The following KIF1B variants were observed in gnomAD, a reference collection of about 807,000 sequenced individuals.
KIF1B encodes the protein kinesin family member 1B.
KIF1B carries 76 observed loss-of-function variants against 241.9 expected under a neutral mutation model. The ratio of observed to expected loss-of-function variants is 0.31; its 90% CI spans 0.26 to 0.38. The LOEUF (loss-of-function observed/expected upper bound fraction) is 0.38, where lower values mean the gene tolerates loss of function less well. KIF1B is among the 10% of genes least tolerant of loss of function. KIF1B has a pLI of 1.00. For missense variants in KIF1B, 1,622 were observed against 2,271.4 expected (o/e 0.71, Z 5.81); for synonymous variants, 750 against 796.7 (o/e 0.94, Z 0.99).
At chr1:10,250,341 C>CTT (rs36075139) in intron 2 of KIF1B, among the ~76,000 whole-genome samples, 118 of 143,058 alleles carry the variant, frequency 8.2e-4, no homozygotes, top group African/African-American at 1.2e-3. Flanking sequence ...TATTTCTTAA[C>CTT]TTTTTTTTTT....
At chr1:10,298,008 A>G (rs1557696890) in intron 22 of KIF1B, among the ~76,000 whole-genome samples, 1 of 152,252 alleles carries the variant, frequency 6.6e-6, no homozygotes, top group Non-Finnish European at 1.5e-5. Context: ...ACTGAATCTC[A>G]TGAATAAATA....
intron 22 of KIF1B, among the ~76,000 whole-genome samples, chr1:10,302,528 C>G (rs1650593518): frequency 6.6e-6 from 1 of 152,176 alleles, no homozygotes; most frequent in Non-Finnish European, 1.5e-5. Flanking sequence ...TTGACTGCTT[C>G]TTTTTCTACA....
intron 4 of KIF1B, among the ~76,000 whole-genome samples, chr1:10,258,907 C>T (rs1289144502): frequency 1.3e-5 from 2 of 152,138 alleles, no homozygotes; most frequent in Admixed American, 1.3e-4. Flanking sequence ...ATGATTTTGC[C>T]ATATATCCAA....
chr1:10,226,348 A>G (rs191471899), intron 1 of KIF1B, among the ~76,000 whole-genome samples: 93 of 152,296 alleles, frequency 6.1e-4, no homozygotes, highest in Admixed American at 3.5e-3. Flanking sequence ...CGAGTAGTCT[A>G]TAGAAAAATG....
intron 4 of KIF1B, among the ~76,000 whole-genome samples, chr1:10,259,643 T>A (rs1248534822): frequency 6.6e-6 from 1 of 151,694 alleles, no homozygotes; most frequent in Non-Finnish European, 1.5e-5. Flanking sequence ...GCTGGGACAA[T>A]AGGCACCCAC....
intron 2 of KIF1B, among the ~76,000 whole-genome samples, chr1:10,237,591 C>CT (rs1362891024): frequency 6.6e-6 from 1 of 152,006 alleles, no homozygotes; most frequent in Non-Finnish European, 1.5e-5. Flanking sequence ...GTAGCCCTGA[C>CT]TTTTTTTTCC....
intron 1 of KIF1B, among the ~76,000 whole-genome samples, chr1:10,213,103 C>A (rs1043772779): frequency 6.6e-6 from 1 of 151,692 alleles, no homozygotes; most frequent in Non-Finnish European, 1.5e-5. Flanking sequence ...TACAGAATGT[C>A]TGTTTTGAAA....
At chr1:10,212,550 T>C (rs1646706420) in intron 1 of KIF1B, among the ~76,000 whole-genome samples, 2 of 152,144 alleles carry the variant, frequency 1.3e-5, no homozygotes, top group South Asian at 4.1e-4. Context: ...TTCAATTTGT[T>C]CATAAATACA....
chr1:10,233,635 G>T (rs1392844204), intron 2 of KIF1B, among the ~76,000 whole-genome samples: 2 of 151,680 alleles, frequency 1.3e-5, no homozygotes, highest in African/African-American at 4.8e-5. Context: ...AAGAAAAAGA[G>T]ATGCAAAAGT....
At chr1:10,259,629 A>G (rs888262754) in intron 4 of KIF1B, among the ~76,000 whole-genome samples, 21 of 151,722 alleles carry the variant, frequency 1.4e-4, no homozygotes, top group African/African-American at 5.1e-4. Context: ...CAGCCTCCCA[A>G]GTAGCTGGGA....
chr1:10,354,587 A>G (rs17034821), intron 38 of KIF1B, among the ~76,000 whole-genome samples: 49,901 of 152,106 alleles, frequency 0.33, 8,328 homozygotes, highest in Middle Eastern at 0.38. Flanking sequence ...TAGTTTTCAC[A>G]GGAACAAAAA....
Position 10,210,578 on chromosome 1 carries a change from G to C in KIF1B, c.-380G>C, listed in dbSNP as rs561676701. Among the ~76,000 whole-genome samples the C allele has an allele frequency of 3.9e-5, 6 of 152,160 alleles. No individual in the cohort carries two copies. The highest frequency in any genetic ancestry group is 7.4e-5 in the Non-Finnish European group (5 of 67,968). On this transcript the variant is annotated 5_prime_UTR_variant, in exon 1 of 49. Coordinates refer to ENST00000676179, the MANE Select transcript of KIF1B (RefSeq NM_001365951.3). This position sits in a 1 kb window ranked among gnomAD's most constrained non-coding sequence, Gnocchi z 4.1. ...GAGGGCCGAAGCGGGGCAGTGTGAC[G>C]GCAGCGGTCCTGGGAGGCGCCCGCG...
chr1:10,276,456 T>A, intron 12 of KIF1B, 57 bp downstream of exon 12: 1 of 1,154,668 alleles, frequency 8.7e-7, no homozygotes, highest in Non-Finnish European at 1.3e-6. Context: ...GAAGCCATTT[T>A]GTGATACCAT....
intron 2 of KIF1B, among the ~76,000 whole-genome samples, chr1:10,235,021 C>G (rs141377462): frequency 0.017 from 2,615 of 151,948 alleles, 86 homozygotes; most frequent in African/African-American, 0.06. Flanking sequence ...TCCTGAGTAG[C>G]TGGAACTACA....
chr1:10,221,028 C>A (rs1646838287), intron 1 of KIF1B, among the ~76,000 whole-genome samples: 1 of 149,520 alleles, frequency 6.7e-6, no homozygotes, highest in Non-Finnish European at 1.5e-5. Flanking sequence ...GATTAAAAAT[C>A]TGATATGTCA....
chr1:10,338,318 A>G (rs1652259106), intron 31 of KIF1B, among the ~76,000 whole-genome samples: 1 of 152,130 alleles, frequency 6.6e-6, no homozygotes, highest in East Asian at 1.9e-4. Context: ...CAGTTTATAA[A>G]GCTTTTGTAT....
intron 15 of KIF1B, among the ~76,000 whole-genome samples, chr1:10,283,336 T>C (rs1451607794): frequency 6.6e-6 from 1 of 152,130 alleles, no homozygotes; most frequent in Non-Finnish European, 1.5e-5. Flanking sequence ...ATGATTACTG[T>C]ACAGGAAGGT....
rs1489606993 is a variant in KIF1B, at chr1:10,348,705, T to C, written c.3921T>C (p.His1307=). 4 of 1,613,930 alleles carry C rather than the reference T, an allele frequency of 2.5e-6. No homozygotes were observed. Among genetic ancestry groups the C allele is most frequent in the African/African-American group, 1.3e-5 (1 of 74,902 alleles). ...TIIHEKGSEL[H]WKDVRELVVG... is the part of the protein sequence containing the mutation. ...TCCATGAGAAGGGGAGCGAGCTCCA[T>C]TGGAAAGATGTTCGTGAACTGGTGG... The change falls in exon 37 of 49, where the codon CAT becomes CAC. Residue 1307 remains histidine, a synonymous_variant. Transcript: ENST00000676179.
chr1:10,329,324 C>G (rs187174020), intron 27 of KIF1B, among the ~76,000 whole-genome samples: 14 of 152,280 alleles, frequency 9.2e-5, no homozygotes, highest in Middle Eastern at 3.4e-3. Flanking sequence ...CAACATCACC[C>G]AGTTGTGTAG....
Sources: allele counts gnomAD v4.1 joint callset (sites outside exome capture counted in the v4.1 genomes callset), GRCh38; gene constraint gnomAD v4.1.1; non-coding constraint Gnocchi (gnomAD v3.1); transcripts MANE v1.5; gene names NCBI Gene and HGNC (gene_info 2026-07-23, HGNC 2026-07-21).